CA8: variants seen among roughly 807,000 people sequenced by gnomAD.
The protein encoded by CA8 is carbonic anhydrase-related protein.
A neutral mutation model predicts 41.4 loss-of-function variants in CA8; 22 were observed. That is an observed-to-expected ratio of 0.53 (90% CI 0.38 to 0.76). The LOEUF (loss-of-function observed/expected upper bound fraction) is 0.76, where lower values mean the gene tolerates loss of function less well. CA8 is among the 30% of genes least tolerant of loss of function. The probability of loss-of-function intolerance (pLI) is 0.00; values close to 1 mark genes in which losing one functional copy is unlikely to be tolerated. For synonymous variants in CA8, 121 were observed against 130.6 expected, an observed-to-expected ratio of 0.93 and a Z score of 0.50; for missense variants, 270 against 352.8, an observed-to-expected ratio of 0.77 and a Z score of 1.88.
chr8:60,236,554 A>G (rs1807837086), intron 3 of CA8, among the ~76,000 whole-genome samples: 1 of 152,250 alleles, frequency 6.6e-6, no homozygotes, highest in Admixed American at 6.5e-5. Flanking sequence ...ATGGGAATAA[A>G]GAAAAATGAA....
In CA8 at chr8:60,189,310, A is replaced by G. The variant is rs58336897; in HGVS notation, c.*711T>C. 6.6e-6 allele frequency: 1 copy of G among 152,070 alleles called. No individual in the cohort carries two copies. The highest frequency in any genetic ancestry group is 2.1e-4 in the South Asian group (1 of 4,828). The allele number at this position is 152,070 out of a possible 1,614,324, so 9.4% of individuals were successfully genotyped here. On this transcript the variant is annotated 3_prime_UTR_variant, in exon 9 of 9. Coordinates refer to ENST00000317995, the MANE Select transcript of CA8 (RefSeq NM_004056.6). ...TTATCCTATTTCTTACACCTTTCTC[A>G]AATTCCTATTAAACCACAGCTTCGA...
At chr8:60,198,215 G>A (rs562205360) in intron 8 of CA8, among the ~76,000 whole-genome samples, 1 of 152,202 alleles carries the variant, frequency 6.6e-6, no homozygotes, top group Admixed American at 6.5e-5. Context: ...GTTACTCAAC[G>A]CATCTCAGCC....
intron 3 of CA8, among the ~76,000 whole-genome samples, chr8:60,240,814 C>G (rs1654479759): frequency 6.6e-6 from 1 of 152,116 alleles, no homozygotes; most frequent in African/African-American, 2.4e-5. Context: ...CACCCAGGCT[C>G]TGCCACACTC....
At chr8:60,258,611 T>C (rs916260244) in intron 3 of CA8, among the ~76,000 whole-genome samples, 1 of 152,170 alleles carries the variant, frequency 6.6e-6, no homozygotes, top group South Asian at 2.1e-4. Context: ...TACATTGTAA[T>C]ATATAAGGAA....
chr8:60,210,133 C>T (rs1355110316), intron 7 of CA8, among the ~76,000 whole-genome samples: 1 of 152,176 alleles, frequency 6.6e-6, no homozygotes, highest in Non-Finnish European at 1.5e-5. Flanking sequence ...GTGGGTAAGT[C>T]TGACAATTCC....
At chr8:60,200,278 A>T (rs1309432020) in intron 8 of CA8, among the ~76,000 whole-genome samples, 2 of 152,204 alleles carry the variant, frequency 1.3e-5, no homozygotes, top group Non-Finnish European at 2.9e-5. Context: ...CTTAGATGTT[A>T]GTTTATGGTA....
At chr8:60,239,236 T>A (rs527364398) in intron 3 of CA8, among the ~76,000 whole-genome samples, 1 of 152,262 alleles carries the variant, frequency 6.6e-6, no homozygotes, top group Non-Finnish European at 1.5e-5. Flanking sequence ...CCAGGGGAGC[T>A]GGAATTACAG....
rs142035862 is a variant in CA8, at chr8:60,244,500, G to C, written c.418-12121C>G. 3.7e-3 allele frequency among the ~76,000 whole-genome samples: 566 copies of C among 152,318 alleles called. 6 individuals carry two copies. The highest frequency in any genetic ancestry group is 0.013 in the African/African-American group (543 of 41,578). On this transcript the variant is annotated intron_variant, in intron 3 of 8. Transcript: ENST00000317995. ...TATTAACTATTTCAGGTGTGTTGGT[G>C]ATAACAATTAGAGTAATAAGCTCTT...
chr8:60,240,159 C>A (rs1019550941), intron 3 of CA8, among the ~76,000 whole-genome samples: 5 of 152,198 alleles, frequency 3.3e-5, no homozygotes, highest in Non-Finnish European at 7.3e-5. Flanking sequence ...AACAGACTTT[C>A]TAGAAGACAG....
Position 60,266,155 on chromosome 8 carries a change from C to T in CA8, c.293-106G>A, listed in dbSNP as rs193290520. On this transcript the variant is annotated intron_variant, in intron 2 of 8. Transcript: ENST00000317995. ...CACCAAAATGCTCTCATGGGCTCTA[C>T]AGATTAAATTCACAAAGCCAAAATG... The T allele has an allele frequency of 7.6e-6, 8 of 1,053,916 alleles. No individual in the cohort carries two copies. The Admixed American group carries it at 1.5e-4, about 20-fold the overall frequency. 65.3% of individuals were successfully genotyped at this position (1,053,916 alleles called of 1,614,324 possible). A position where few individuals can be genotyped will look rare whatever the true frequency, so the allele number is the denominator to read the frequency against.
At chr8:60,230,155 CT>C (rs1460464329) in intron 4 of CA8, among the ~76,000 whole-genome samples, 1 of 152,216 alleles carries the variant, frequency 6.6e-6, no homozygotes, top group Non-Finnish European at 1.5e-5. Flanking sequence ...CCTCAATGTC[CT>C]GCCTTTCTCC....
chr8:60,236,149 C>G (rs991630471), intron 3 of CA8, among the ~76,000 whole-genome samples: 1 of 152,186 alleles, frequency 6.6e-6, no homozygotes, highest in Admixed American at 6.5e-5. Flanking sequence ...TTGAGTAAAG[C>G]TGAATGCCTC....
intron 8 of CA8, among the ~76,000 whole-genome samples, chr8:60,206,024 CTGA>C (rs1806564825): frequency 6.6e-6 from 1 of 152,162 alleles, no homozygotes; most frequent in Non-Finnish European, 1.5e-5. Flanking sequence ...ACACATAAGT[CTGA>C]TTCCCAATAT....
In CA8 at chr8:60,271,404, TATAA is replaced by T; in HGVS notation, c.293-5359_293-5356del. ...AAAGAAGTTCAGCCCTGACATTTCA[TATAA>T]ATAAAAAAGATAGAGCCTCTTCTTC... On this transcript the variant is annotated intron_variant, in intron 2 of 8. Transcript: ENST00000317995. 2.0e-5 allele frequency among the ~76,000 whole-genome samples: 3 copies of T among 152,292 alleles called. No homozygotes were observed. The Middle Eastern group carries it at 0.01, about 518-fold the overall frequency.
intron 3 of CA8, among the ~76,000 whole-genome samples, chr8:60,239,997 C>G (rs1345991045): frequency 6.6e-6 from 1 of 152,136 alleles, no homozygotes; most frequent in Non-Finnish European, 1.5e-5. Context: ...TCTTTATCAG[C>G]AGCATGAAAA....
At chr8:60,261,681 A>G (rs563665692) in intron 3 of CA8, among the ~76,000 whole-genome samples, 25 of 152,346 alleles carry the variant, frequency 1.6e-4, no homozygotes, top group Admixed American at 5.2e-4. Flanking sequence ...AATGATGAAG[A>G]CAGCAGAGAG....
At chr8:60,225,505 C>T (rs1227194720) in intron 5 of CA8, among the ~76,000 whole-genome samples, 5 of 152,046 alleles carry the variant, frequency 3.3e-5, no homozygotes, top group African/African-American at 9.7e-5. Context: ...TCAAAATGTG[C>T]CCTTATTGTC....
rs1219862742 is a variant in CA8 at position 60,188,660 on chromosome 8, T to C, written c.*1361A>G. 2 of 152,290 alleles carry C rather than the reference T, an allele frequency of 1.3e-5. No homozygotes were observed. Among genetic ancestry groups the C allele is most frequent in the Non-Finnish European group, 2.9e-5 (2 of 68,110 alleles). 9.4% of individuals were successfully genotyped at this position (152,290 alleles called of 1,614,324 possible). ...GAGGCACTGCCTGGTGCTGACCCCA[T>C]GTGATCCAGGGCTACCAACAGATCT... On this transcript the variant is annotated 3_prime_UTR_variant, in exon 9 of 9. Transcript: ENST00000317995.
In CA8 at chr8:60,280,924, C is replaced by G. The variant is rs573505037; in HGVS notation, c.100+124G>C. 6.9e-5 allele frequency: 51 copies of G among 734,324 alleles called. No individual in the cohort carries two copies. The East Asian group carries it at 1.4e-3, about 19-fold the overall frequency. The allele number at this position is 734,324 out of a possible 1,614,324, so 45.5% of individuals were successfully genotyped here. A position where few individuals can be genotyped will look rare whatever the true frequency, so the allele number is the denominator to read the frequency against. On this transcript the variant is annotated intron_variant, in intron 1 of 8. Coordinates refer to ENST00000317995, the MANE Select transcript of CA8 (RefSeq NM_004056.6). Reference sequence around the variant, plus strand: ...GGGAGTGGGAAAGTGGCAGAGACCCCCGTGGGAAAGAGGGGGCGTGGGGGT... The same window carrying G: ...GGGAGTGGGAAAGTGGCAGAGACCCGCGTGGGAAAGAGGGGGCGTGGGGGT...
Sources: allele counts gnomAD v4.1 joint callset (sites outside exome capture counted in the v4.1 genomes callset), GRCh38; gene constraint gnomAD v4.1.1; transcripts MANE v1.5; gene names NCBI Gene and HGNC (gene_info 2026-07-23, HGNC 2026-07-21).